The following NCOR2 variants were observed in gnomAD, a reference collection of about 807,000 sequenced individuals.
NCOR2 encodes CTG repeat protein 26.
NCOR2 carries 81 observed loss-of-function variants against 262.9 expected under a neutral mutation model. The ratio of observed to expected loss-of-function variants is 0.31; its 90% confidence interval spans 0.26 to 0.37. The LOEUF (loss-of-function observed/expected upper bound fraction) is 0.37. Ranked by LOEUF, NCOR2 falls within the 10% of genes least tolerant of loss-of-function variation. The pLI, the probability that NCOR2 is intolerant of heterozygous loss-of-function variation, is 1.00. For synonymous variants in NCOR2, 1,659 were observed against 1,559.3 expected, an observed-to-expected ratio of 1.06 and a Z score of -1.51; for missense variants, 3,385 against 3,621.4, an observed-to-expected ratio of 0.93 and a Z score of 1.68.
At position 124,443,210 on chromosome 12, in the gene NCOR2, G is replaced by C. The variant is rs1256283289; in HGVS notation, c.816-5214C>G. Among the ~76,000 whole-genome samples the C allele has an allele frequency of 1.3e-5, 2 of 152,206 alleles. No homozygotes were observed. Among genetic ancestry groups the C allele is most frequent in the East Asian group, 3.9e-4 (2 of 5,184 alleles). On this transcript the variant is annotated intron_variant, in intron 7 of 46. Transcript: ENST00000405201. The surrounding 1 kb of genome is among the most constrained non-coding windows in gnomAD (Gnocchi z 4.4). ...AAACCGCGGTGCTGTCACTGCAGCT[G>C]GAAAACGACTCGGTGAGCATGAGGC...
Position 124,516,101 on chromosome 12 carries a change from G to C in NCOR2, c.-118+19464C>G, listed in dbSNP as rs542150683. ...AGGCCATTCTCGAGGTCCCAGGAGAGGCCCCATGACAATGAGACAGCGGGC... is the reference window on the plus strand; with the variant it reads ...AGGCCATTCTCGAGGTCCCAGGAGACGCCCCATGACAATGAGACAGCGGGC... On this transcript the variant is annotated intron_variant, in intron 1 of 46. Transcript: ENST00000404621. Among the ~76,000 whole-genome samples the C allele has an allele frequency of 3.3e-5, 5 of 152,346 alleles. No individual in the cohort carries two copies. The South Asian group carries it at 1.0e-3, about 32-fold the overall frequency.
Position 124,344,608 on chromosome 12 carries a change from C to T in NCOR2, c.4703G>A (p.Arg1568His), listed in dbSNP as rs946368097. 2.6e-5 allele frequency: 38 copies of T among 1,452,302 alleles called. No homozygotes were observed. In the Admixed American group the frequency reaches 2.7e-4, roughly 10 times the overall value. 90.0% of individuals were successfully genotyped at this position (1,452,302 alleles called of 1,614,324 possible). Residue 1568 changes from arginine (R) to histidine (H), a missense_variant, in exon 32 of 47, where the codon CGC becomes CAC. Physicochemically the swap from Arg to His is conservative, Grantham distance 29. This residue lies in a region of NCOR2 where 1,615 missense variants were observed against 1,626.9 expected (regional missense o/e 0.99). Transcript: ENST00000405201. The stretch of plus-strand genomic sequence containing the variant: ...CACACCCCACTCACCCTCCTGCAGG[C>T]GCGGCGTGGGCTCCCGCGTGGTCAC...
chr12:124,342,033 T>A, exon 34 of NCOR2: 3 of 1,611,592 alleles, frequency 1.9e-6, no homozygotes, highest in Non-Finnish European at 2.5e-6. Flanking sequence ...TGCGGGTAGG[T>A]GGGGTTGGGG....
At chr12:124,416,479 T>G (rs905330791) in intron 13 of NCOR2, among the ~76,000 whole-genome samples, 2 of 152,034 alleles carry the variant, frequency 1.3e-5, no homozygotes, top group African/African-American at 4.8e-5. Context: ...TTCTACGGAG[T>G]CTTCAAGGAT....
chr12:124,427,033 T>C (rs1448181775), intron 10 of NCOR2, among the ~76,000 whole-genome samples: 1 of 152,180 alleles, frequency 6.6e-6, no homozygotes, highest in African/African-American at 2.4e-5. Context: ...GTAGATTCAA[T>C]GCAGAGAGCA....
intron 40 of NCOR2, 52 bp from the exon 43 acceptor site, chr12:124,334,669 C>G: frequency 1.0e-6 from 1 of 974,980 alleles, no homozygotes; most frequent in Non-Finnish European, 1.4e-6. Flanking sequence ...CTGACAGAAC[C>G]TTCTGGGGGT....
At chr12:124,392,673 T>C (rs986390833) in intron 16 of NCOR2, among the ~76,000 whole-genome samples, 3 of 152,222 alleles carry the variant, frequency 2.0e-5, no homozygotes, top group Non-Finnish European at 4.4e-5. Flanking sequence ...GGGGGGCCCA[T>C]GGTGGGCACA....
intron 1 of NCOR2, among the ~76,000 whole-genome samples, chr12:124,502,807 G>A (rs79911233): frequency 0.015 from 2,293 of 152,296 alleles, 63 homozygotes; most frequent in African/African-American, 0.052. Flanking sequence ...CTGTGTCGAG[G>A]AGCACTGGGC....
At chr12:124,336,560 C>T (rs954541449) in intron 38 of NCOR2, 193 bp downstream of exon 40, 37 of 966,656 alleles carry the variant, frequency 3.8e-5, no homozygotes, top group African/African-American at 5.3e-5. Flanking sequence ...ACAAAAAAAA[C>T]GGGGGCCAAA....
At chr12:124,501,723 G>A (rs1394123785) in intron 1 of NCOR2, among the ~76,000 whole-genome samples, 1 of 152,172 alleles carries the variant, frequency 6.6e-6, no homozygotes, top group Admixed American at 6.5e-5. Flanking sequence ...AATGTGATCT[G>A]CAAAAACCCT....
intron 13 of NCOR2, among the ~76,000 whole-genome samples, chr12:124,410,569 C>T (rs948023902): frequency 3.3e-5 from 5 of 152,060 alleles, no homozygotes; most frequent in South Asian, 2.1e-4. Context: ...TCGGCACCAC[C>T]GGAAGGCTGT....
At chr12:124,343,938 T>A (rs1335794527) in intron 32 of NCOR2, among the ~76,000 whole-genome samples, 2 of 152,146 alleles carry the variant, frequency 1.3e-5, no homozygotes, top group Non-Finnish European at 2.9e-5. Context: ...GGAAGACAAT[T>A]TTAAAATGTC....
chr12:124,545,465 C>T (rs1033325410), intron 1 of NCOR2, among the ~76,000 whole-genome samples: 1 of 152,220 alleles, frequency 6.6e-6, no homozygotes, highest in African/African-American at 2.4e-5. Flanking sequence ...AGCTTTCAGC[C>T]CCTGGTGTCC....
chr12:124,486,267 T>C (rs2047760821), intron 2 of NCOR2, 174 bp downstream of exon 4: 1 of 1,007,582 alleles, frequency 9.9e-7, no homozygotes, highest in Non-Finnish European at 1.4e-6. Context: ...TCTTCCCTGC[T>C]CGTCCCATCC....
intron 1 of NCOR2, among the ~76,000 whole-genome samples, chr12:124,533,225 A>G (rs2137173961): frequency 6.6e-6 from 1 of 151,648 alleles, no homozygotes; most frequent in South Asian, 2.1e-4. Flanking sequence ...GGGGCCCCCA[A>G]AGGCTCAGGA....
intron 1 of NCOR2, chr12:124,562,075 G>A (rs2052090676): frequency 6.6e-6 from 1 of 152,238 alleles, no homozygotes. Flanking sequence ...CAAGAGCCCA[G>A]GCCCTGCTCC....
rs1192889344 is a variant in NCOR2, at chr12:124,335,468, C to T, written c.6265+15G>A. 2 of 1,599,970 alleles carry T rather than the reference C, an allele frequency of 1.3e-6. No individual in the cohort carries two copies. Among genetic ancestry groups the T allele is most frequent in the African/African-American group, 1.3e-5 (1 of 74,968 alleles). On this transcript the variant is annotated intron_variant, in intron 39 of 46. Coordinates refer to ENST00000405201, the Ensembl canonical transcript of NCOR2. The stretch of plus-strand genomic sequence containing the variant: ...GTGCAGGGCTTCGGGGGCCTGGGTA[C>T]TGGGTGGGGCGTACCTGGCTGCTTG...
chr12:124,400,631 C>T, exon 15 of NCOR2: 1 of 1,614,222 alleles, frequency 6.2e-7, no homozygotes, highest in South Asian at 1.1e-5. Flanking sequence ...CCACAGCCTC[C>T]TTCTCGTCGT....
chr12:124,434,634 C>G (rs569545088), intron 8 of NCOR2, among the ~76,000 whole-genome samples: 2 of 152,284 alleles, frequency 1.3e-5, no homozygotes, highest in African/African-American at 2.4e-5. Context: ...CCTGCCCTCC[C>G]GAGAGGAGCC....
Sources: gnomAD v4.1 joint callset for allele counts (sites outside exome capture counted in the v4.1 genomes callset) on GRCh38, gnomAD v4.1.1 for gene constraint, gnomAD v4.1.1 regional missense constraint, Gnocchi (gnomAD v3.1) non-coding constraint, MANE v1.5 for transcripts, NCBI Gene and HGNC (gene_info 2026-07-23, HGNC 2026-07-21) for gene names.